STX8: variants seen among roughly 807,000 people sequenced by gnomAD.
The protein encoded by STX8 is syntaxin 8.
In STX8, 23 loss-of-function variants were observed where a neutral mutation model predicts 37.5. That is an observed-to-expected ratio of 0.61 (90% CI 0.44 to 0.87). The LOEUF (loss-of-function observed/expected upper bound fraction) is 0.87. Ranked by LOEUF, STX8 falls within the 40% of genes least tolerant of loss-of-function variation. STX8 has a pLI of 0.00. For synonymous variants in STX8, 115 were observed against 99.1 expected (o/e 1.16, Z -0.95); for missense variants, 313 against 284.7 (o/e 1.10, Z -0.71).
chr17:9,462,947 A>G (rs1905459414), intron 6 of STX8, among the ~76,000 whole-genome samples: 1 of 152,326 alleles, frequency 6.6e-6, no homozygotes, highest in African/African-American at 2.4e-5. Flanking sequence ...AGACACCAGA[A>G]GACAGGGACT....
At chr17:9,349,798 G>C (rs762251085) in intron 7 of STX8, among the ~76,000 whole-genome samples, 5 of 151,792 alleles carry the variant, frequency 3.3e-5, no homozygotes, top group Non-Finnish European at 7.4e-5. Context: ...GTGATAATGT[G>C]AGAGGATGAA....
rs188294572 is a variant in STX8, at chr17:9,569,143, T to C, written c.18-673A>G. Among the ~76,000 whole-genome samples, 318 of 152,296 alleles carry C rather than the reference T, an allele frequency of 2.1e-3. 1 individual carries two copies. The highest frequency in any genetic ancestry group is 3.7e-3 in the Non-Finnish European group (251 of 68,024). On this transcript the variant is annotated intron_variant, in intron 1 of 7. Transcript: ENST00000306357. ...CTTAACAACTGTGCTGTTCTGCCAA[T>C]GAGAAAGCATGTGGGGGGTCTCCGC...
At chr17:9,381,266 CCTT>C (rs1911808829) in intron 6 of STX8, among the ~76,000 whole-genome samples, 1 of 150,738 alleles carries the variant, frequency 6.6e-6, no homozygotes, top group African/African-American at 2.4e-5. Context: ...TTTCCTCCCT[CCTT>C]CTCCCTCCTT....
chr17:9,536,819 C>T (rs1441038841), intron 4 of STX8, among the ~76,000 whole-genome samples: 1 of 151,650 alleles, frequency 6.6e-6, no homozygotes, highest in African/African-American at 2.4e-5. Context: ...TCTCAGCTCA[C>T]TGCAACCTCC....
chr17:9,398,007 A>AAG, intron 6 of STX8, among the ~76,000 whole-genome samples: 1 of 151,342 alleles, frequency 6.6e-6, no homozygotes, highest in Admixed American at 6.6e-5. Flanking sequence ...AAAAGAAAGA[A>AAG]AGAACAAACA....
At chr17:9,380,367 C>A (rs1345430436) in intron 6 of STX8, among the ~76,000 whole-genome samples, 1 of 149,704 alleles carries the variant, frequency 6.7e-6, no homozygotes, top group African/African-American at 2.5e-5. Flanking sequence ...ATCCTCCCAT[C>A]TCAACCTCCT....
chr17:9,554,111 T>G (rs1487936690), intron 3 of STX8: 3 of 152,200 alleles, frequency 2.0e-5, no homozygotes, highest in Admixed American at 2.0e-4. Flanking sequence ...AATATAAAAA[T>G]TAGCCGGGCA....
chr17:9,438,219 G>A (rs1426912365), intron 6 of STX8, among the ~76,000 whole-genome samples: 2 of 148,438 alleles, frequency 1.3e-5, no homozygotes, highest in African/African-American at 2.5e-5. Context: ...CTCCAGCCTG[G>A]GTGAGAGTGA....
intron 7 of STX8, among the ~76,000 whole-genome samples, chr17:9,296,565 C>A (rs1346670600): frequency 1.4e-5 from 2 of 145,208 alleles, no homozygotes; most frequent in African/African-American, 5.1e-5. Context: ...TTAATGAATT[C>A]ATTCATTCAA....
intron 6 of STX8, among the ~76,000 whole-genome samples, chr17:9,488,266 C>T (rs901534006): frequency 1.3e-5 from 2 of 151,130 alleles, no homozygotes; most frequent in Non-Finnish European, 2.9e-5. Flanking sequence ...ATGGAGGTTG[C>T]AGTGAGCCGA....
intron 7 of STX8, among the ~76,000 whole-genome samples, chr17:9,325,114 G>GTACTTACAA (rs1909712243): frequency 6.6e-6 from 1 of 152,130 alleles, no homozygotes; most frequent in African/African-American, 2.4e-5. Flanking sequence ...ACAACTGTGG[G>GTACTTACAA]CTAATGTAAG....
intron 6 of STX8, among the ~76,000 whole-genome samples, chr17:9,484,915 C>T (rs1007731610): frequency 2.0e-5 from 3 of 152,094 alleles, no homozygotes; most frequent in Admixed American, 2.0e-4. Context: ...GTGTGTAATT[C>T]TAGTGACAGG....
intron 7 of STX8, among the ~76,000 whole-genome samples, chr17:9,260,922 C>T (rs967976810): frequency 6.6e-6 from 1 of 152,124 alleles, no homozygotes; most frequent in Non-Finnish European, 1.5e-5. Flanking sequence ...AAGAAGGCAG[C>T]AACTGTCGGA....
At chr17:9,487,752 TA>T (rs749366732) in intron 6 of STX8, among the ~76,000 whole-genome samples, 7 of 151,970 alleles carry the variant, frequency 4.6e-5, no homozygotes, top group South Asian at 4.2e-4. Context: ...GCAAAAGGGA[TA>T]GGGGCAAAAT....
At chr17:9,493,643 G>A (rs780918242) in intron 5 of STX8, among the ~76,000 whole-genome samples, 9 of 152,196 alleles carry the variant, frequency 5.9e-5, no homozygotes, top group Non-Finnish European at 1.3e-4. Flanking sequence ...AGCCCTAGGG[G>A]CGTGGGCTCC....
intron 7 of STX8, among the ~76,000 whole-genome samples, chr17:9,279,818 G>A (rs1454433536): frequency 3.3e-5 from 5 of 152,222 alleles, no homozygotes; most frequent in Non-Finnish European, 7.3e-5. Flanking sequence ...TGCAGATAAT[G>A]AGAACACCTA....
rs559012704 is a variant in STX8, at chr17:9,434,916, G to A, written c.542-56263C>T. On this transcript the variant is annotated intron_variant, in intron 6 of 7. Transcript: ENST00000306357. ...GGTCATTCCCATGGCATGTTGCCACGGCATTTGTAAACTGCCATGGCACTG... is the reference window on the plus strand; with the variant it reads ...GGTCATTCCCATGGCATGTTGCCACAGCATTTGTAAACTGCCATGGCACTG... Among the ~76,000 whole-genome samples, 12 of 152,256 alleles carry A rather than the reference G, an allele frequency of 7.9e-5. No homozygotes were observed. The South Asian group carries it at 8.3e-4, about 11-fold the overall frequency.
chr17:9,291,281 C>A (rs984566337), intron 7 of STX8, among the ~76,000 whole-genome samples: 6 of 151,930 alleles, frequency 3.9e-5, no homozygotes, highest in African/African-American at 7.3e-5. Context: ...CTCGTGTCCA[C>A]TAAAAACACA....
intron 3 of STX8, chr17:9,547,246 C>CAAAAAAAAA (rs11300957): frequency 3.1e-5 from 4 of 129,652 alleles, no homozygotes; most frequent in African/African-American, 1.2e-4. Context: ...GACTCTGTCT[C>CAAAAAAAAA]AAAAAAAAAA....
Sources: gnomAD v4.1 joint callset for allele counts (sites outside exome capture counted in the v4.1 genomes callset) on GRCh38, gnomAD v4.1.1 for gene constraint, MANE v1.5 for transcripts, NCBI Gene and HGNC (gene_info 2026-07-23, HGNC 2026-07-21) for gene names.